The following CORO1C variants were observed in gnomAD, a reference collection of about 807,000 sequenced individuals.
The protein encoded by CORO1C is coronin 1C, also known as coronin-1C.
A neutral mutation model predicts 51.2 loss-of-function variants in CORO1C; 14 were observed. The ratio of observed to expected loss-of-function variants is 0.27; its 90% CI spans 0.18 to 0.43. CORO1C has a LOEUF of 0.43. Among genes scored for constraint, CORO1C ranks in the 20% least tolerant of loss-of-function variants. The pLI is 1.00. For missense variants in CORO1C, 417 were observed against 607.8 expected (o/e 0.69, Z 3.30); for synonymous variants, 181 against 210.5 (o/e 0.86, Z 1.21).
chr12:108,680,715 A>T (rs1016129158), intron 2 of CORO1C, among the ~76,000 whole-genome samples: 13 of 152,226 alleles, frequency 8.5e-5, no homozygotes, highest in Non-Finnish European at 1.8e-4. Context: ...CTCAATAAAC[A>T]TTACCCGAAA....
In CORO1C at chr12:108,695,851, T is replaced by TAAAAAAA. The variant is rs924887183; in HGVS notation, c.195+5266_195+5272dup. ...GGCTATGTATCACCCTTGGGAGAAC[T>TAAAAAAA]AAAAAAAAAAAAAAAAAAAAAAAAC... is the stretch of plus-strand genomic sequence containing the variant. On this transcript the variant is annotated intron_variant, in intron 2 of 10. Transcript: ENST00000261401. Among the ~76,000 whole-genome samples the TAAAAAAA allele has an allele frequency of 2.0e-3, 125 of 62,450 alleles. 2 individuals are homozygous for TAAAAAAA. The highest frequency in any genetic ancestry group is 6.7e-3 in the African/African-American group (121 of 18,154). 41.0% of individuals were successfully genotyped at this position (62,450 alleles called of 152,430 possible).
At chr12:108,667,748 G>A (rs1018078835) in intron 3 of CORO1C, among the ~76,000 whole-genome samples, 1 of 152,050 alleles carries the variant, frequency 6.6e-6, no homozygotes, top group African/African-American at 2.4e-5. Context: ...ATGAAAAAGT[G>A]AATCCATCAG....
chr12:108,684,314 A>G (rs376689544), intron 2 of CORO1C, among the ~76,000 whole-genome samples: 61 of 152,362 alleles, frequency 4.0e-4, no homozygotes, highest in African/African-American at 1.4e-3. Flanking sequence ...GGATGTCAGG[A>G]AAGAGGAACT....
chr12:108,655,877 C>A (rs1195428402), intron 6 of CORO1C, among the ~76,000 whole-genome samples: 8 of 151,548 alleles, frequency 5.3e-5, no homozygotes, highest in African/African-American at 1.9e-4. Context: ...TGCCCGGCTG[C>A]CCAGTCTGGG....
chr12:108,716,127 C>CAAAAAAAAA (rs61278729), intron 1 of CORO1C, among the ~76,000 whole-genome samples: 9 of 41,090 alleles, frequency 2.2e-4, no homozygotes, highest in Non-Finnish European at 3.1e-4. Flanking sequence ...GACTCTGTCG[C>CAAAAAAAAA]AAAAAAAAAA....
intron 3 of CORO1C, among the ~76,000 whole-genome samples, chr12:108,666,143 T>C (rs1230982147): frequency 6.6e-6 from 1 of 152,168 alleles, no homozygotes; most frequent in Non-Finnish European, 1.5e-5. Flanking sequence ...GAGCAGAATA[T>C]GAGGAGAAAT....
chr12:108,707,703 A>G (rs1373713767), intron 1 of CORO1C, among the ~76,000 whole-genome samples: 4 of 152,242 alleles, frequency 2.6e-5, no homozygotes, highest in African/African-American at 9.6e-5. Context: ...GACAACTCAT[A>G]GAATGGGAGA....
intron 3 of CORO1C, among the ~76,000 whole-genome samples, chr12:108,669,472 T>C (rs1343131071): frequency 6.6e-6 from 1 of 152,136 alleles, no homozygotes. Flanking sequence ...ATTATTATCA[T>C]ACCTCCATAT....
At chr12:108,655,241 T>C (rs1287305099) in intron 6 of CORO1C, among the ~76,000 whole-genome samples, 2 of 152,234 alleles carry the variant, frequency 1.3e-5, no homozygotes, top group Non-Finnish European at 1.5e-5. Context: ...TTCCCAAGCA[T>C]GACTATTTTG....
chr12:108,701,044 A>G, intron 2 of CORO1C, 80 bp downstream of exon 2: 1 of 1,431,574 alleles, frequency 7.0e-7, no homozygotes, highest in Non-Finnish European at 9.8e-7. Context: ...TACAATTCTT[A>G]GTGAACTGTC....
chr12:108,674,519 G>C (rs988004435), intron 3 of CORO1C, among the ~76,000 whole-genome samples: 5 of 147,972 alleles, frequency 3.4e-5, no homozygotes, highest in Admixed American at 2.0e-4. Context: ...CTGCGCTCCA[G>C]CCTGGGCGAC....
chr12:108,682,177 A>C (rs1424706466), intron 2 of CORO1C, among the ~76,000 whole-genome samples: 1 of 152,116 alleles, frequency 6.6e-6, no homozygotes, highest in Non-Finnish European at 1.5e-5. Context: ...AAGCAGAGAC[A>C]AATTTTTTAA....
chr12:108,696,444 A>C (rs922900542), intron 2 of CORO1C: 3 of 152,160 alleles, frequency 2.0e-5, no homozygotes, highest in African/African-American at 7.3e-5. Context: ...ATGTGTATCT[A>C]TCCAGAAACA....
At chr12:108,675,530 CAG>C (rs1443581285) in intron 3 of CORO1C, among the ~76,000 whole-genome samples, 1 of 152,082 alleles carries the variant, frequency 6.6e-6, no homozygotes, top group East Asian at 1.9e-4. Flanking sequence ...CTGAGGATGA[CAG>C]AGAATCAATT....
At chr12:108,655,692 C>T (rs1447032492) in intron 6 of CORO1C, among the ~76,000 whole-genome samples, 1 of 152,240 alleles carries the variant, frequency 6.6e-6, no homozygotes, top group Non-Finnish European at 1.5e-5. Flanking sequence ...CTCAATGTTG[C>T]CCGGGCTGGA....
intron 2 of CORO1C, among the ~76,000 whole-genome samples, chr12:108,699,764 A>C (rs2034806329): frequency 6.6e-6 from 1 of 152,238 alleles, no homozygotes; most frequent in Non-Finnish European, 1.5e-5. Flanking sequence ...GAACAGAAAT[A>C]AAAGTATCTA....
chr12:108,708,120 T>C (rs1174035716), intron 1 of CORO1C, among the ~76,000 whole-genome samples: 1 of 152,098 alleles, frequency 6.6e-6, no homozygotes, highest in Non-Finnish European at 1.5e-5. Flanking sequence ...AGCAATCCAC[T>C]CCTAGGTATA....
At chr12:108,726,431 A>C (rs929411905) in intron 1 of CORO1C, among the ~76,000 whole-genome samples, 1 of 151,814 alleles carries the variant, frequency 6.6e-6, no homozygotes, top group Non-Finnish European at 1.5e-5. Context: ...TGTCTCAAAA[A>C]AAAAAAAAAT....
intron 3 of CORO1C, among the ~76,000 whole-genome samples, chr12:108,677,001 T>C (rs1409463298): frequency 2.0e-5 from 3 of 152,172 alleles, no homozygotes; most frequent in African/African-American, 7.2e-5. Flanking sequence ...AATGTTTAAA[T>C]GACACAGTTC....
Sources: gnomAD v4.1 joint callset for allele counts (sites outside exome capture counted in the v4.1 genomes callset) on GRCh38, gnomAD v4.1.1 for gene constraint, MANE v1.5 for transcripts, NCBI Gene and HGNC (gene_info 2026-07-23, HGNC 2026-07-21) for gene names.